The following LARGE1 variants were observed in gnomAD, a reference collection of about 807,000 sequenced individuals.
LARGE1 encodes the protein xylosyl- and glucuronyltransferase LARGE1.
LARGE1 carries 43 observed loss-of-function variants against 87.6 expected under a neutral mutation model. The observed-to-expected ratio is 0.49, with a 90% CI of 0.38 to 0.63. The LOEUF (loss-of-function observed/expected upper bound fraction) is 0.63, where lower values mean the gene tolerates loss of function less well. LARGE1 is among the 30% of genes least tolerant of loss of function. The probability of loss-of-function intolerance (pLI) is 0.00; values close to 1 mark genes in which losing one functional copy is unlikely to be tolerated. For synonymous variants in LARGE1, 434 were observed against 394.6 expected (o/e 1.10, Z -1.18); for missense variants, 802 against 1,000.2 (o/e 0.80, Z 2.67).
intron 6 of LARGE1, among the ~76,000 whole-genome samples, chr22:33,513,933 T>C (rs1602199384): frequency 6.6e-6 from 1 of 152,208 alleles, no homozygotes; most frequent in East Asian, 1.9e-4. Flanking sequence ...GCATTTTTAC[T>C]GTCCCTTTTC....
chr22:33,458,841 A>G (rs2068249079), intron 6 of LARGE1, among the ~76,000 whole-genome samples: 1 of 152,190 alleles, frequency 6.6e-6, no homozygotes, highest in African/African-American at 2.4e-5. Flanking sequence ...TACATATGCT[A>G]AACACGAGAA....
chr22:33,791,834 A>T (rs1347354928), intron 1 of LARGE1, among the ~76,000 whole-genome samples: 2 of 152,170 alleles, frequency 1.3e-5, no homozygotes, highest in Non-Finnish European at 2.9e-5. Flanking sequence ...TACCACCATC[A>T]TCCTAGGAAA....
chr22:33,905,380 G>A (rs187402598), intron 1 of LARGE1, among the ~76,000 whole-genome samples: 1 of 152,118 alleles, frequency 6.6e-6, no homozygotes, highest in African/African-American at 2.4e-5. Context: ...CTTGAATTCT[G>A]AAATTTGAAA....
At chr22:33,793,014 G>A (rs537147188) in intron 1 of LARGE1, among the ~76,000 whole-genome samples, 1 of 152,308 alleles carries the variant, frequency 6.6e-6, no homozygotes, top group East Asian at 1.9e-4. Context: ...GAAAGCTGCT[G>A]AGCGTGCCCA....
chr22:33,289,678 G>A (rs980587523), intron 12 of LARGE1, among the ~76,000 whole-genome samples: 2 of 152,084 alleles, frequency 1.3e-5, no homozygotes, highest in Non-Finnish European at 2.9e-5. Context: ...ATGAGATCTC[G>A]GTCTCTAGCC....
intron 2 of LARGE1, among the ~76,000 whole-genome samples, chr22:33,672,927 A>G (rs2081460013): frequency 6.6e-6 from 1 of 152,146 alleles, no homozygotes; most frequent in Admixed American, 6.5e-5. Context: ...TGCCCAAATA[A>G]TTATTTAGTT....
intron 1 of LARGE1, among the ~76,000 whole-genome samples, chr22:33,779,143 G>A (rs970034258): frequency 3.3e-5 from 5 of 151,890 alleles, no homozygotes; most frequent in Non-Finnish European, 5.9e-5. Context: ...AAATCTCTTC[G>A]CTCTGCATAC....
At chr22:33,556,139 C>A (rs1413540871) in intron 6 of LARGE1, among the ~76,000 whole-genome samples, 1 of 151,966 alleles carries the variant, frequency 6.6e-6, no homozygotes, top group Non-Finnish European at 1.5e-5. Flanking sequence ...AAATGTGATT[C>A]GACCTCACCC....
At chr22:33,440,611 G>A (rs757750053) in intron 6 of LARGE1, among the ~76,000 whole-genome samples, 1 of 152,186 alleles carries the variant, frequency 6.6e-6, no homozygotes, top group Non-Finnish European at 1.5e-5. Flanking sequence ...GTGTGTCTGA[G>A]TGCAGGATGT....
intron 1 of LARGE1, among the ~76,000 whole-genome samples, chr22:33,771,616 T>G (rs543813070): frequency 1.3e-5 from 2 of 152,288 alleles, no homozygotes; most frequent in South Asian, 2.1e-4. Flanking sequence ...AAAACCCCCA[T>G]GCCAACAGCT....
At chr22:33,078,056 T>A in the LARGE1 span, among the ~76,000 whole-genome samples, 223 of 152,332 alleles carry the variant, frequency 1.5e-3, no homozygotes, top group African/African-American at 5.0e-3. Context: ...TATATTAGTA[T>A]TGTCCCAGAA....
chr22:33,511,355 C>T (rs971157364), intron 6 of LARGE1, among the ~76,000 whole-genome samples: 11 of 152,146 alleles, frequency 7.2e-5, no homozygotes, highest in Admixed American at 2.6e-4. Flanking sequence ...GTCTCTGATA[C>T]AGACAACAAG....
intron 6 of LARGE1, among the ~76,000 whole-genome samples, chr22:33,547,358 C>T (rs368117928): frequency 2.4e-4 from 28 of 118,772 alleles, no homozygotes; most frequent in African/African-American, 5.5e-4. Context: ...ACAGGGTTTG[C>T]GCTACTATGG....
chr22:33,504,296 G>T lies in LARGE1; in HGVS notation c.787+60552C>A, dbSNP rs547660507. On this transcript the variant is annotated intron_variant, in intron 6 of 14. Coordinates refer to ENST00000397394, the MANE Select transcript of LARGE1 (RefSeq NM_133642.5). Reference sequence around the variant, plus strand: ...TTATTTTTAGACAGAGTCTTGCTCTGTTGCCCAGGCTGCAGTGCAGTGGCG... The same window carrying T: ...TTATTTTTAGACAGAGTCTTGCTCTTTTGCCCAGGCTGCAGTGCAGTGGCG... Among the ~76,000 whole-genome samples the T allele has an allele frequency of 2.1e-3, 320 of 152,328 alleles. 2 individuals carry two copies. Among genetic ancestry groups the T allele is most frequent in the African/African-American group, 7.5e-3 (313 of 41,566 alleles).
intron 9 of LARGE1, among the ~76,000 whole-genome samples, chr22:33,361,426 C>T (rs911104928): frequency 2.7e-5 from 4 of 149,090 alleles, no homozygotes; most frequent in African/African-American, 9.9e-5. Flanking sequence ...AGCAATGGCC[C>T]AGCTGTGTGC....
chr22:33,412,005 C>T (rs13056837), intron 7 of LARGE1, among the ~76,000 whole-genome samples: 6 of 152,096 alleles, frequency 3.9e-5, no homozygotes, highest in African/African-American at 7.2e-5. Flanking sequence ...TATTATTGGC[C>T]GGGCACGGTG....
chr22:33,464,186 G>C (rs1460623744), intron 6 of LARGE1, among the ~76,000 whole-genome samples: 1 of 151,982 alleles, frequency 6.6e-6, no homozygotes, highest in South Asian at 2.1e-4. Context: ...AAAAGGTAAT[G>C]AAAAAAATCT....
chr22:33,865,834 T>A (rs2064083287), intron 1 of LARGE1, among the ~76,000 whole-genome samples: 1 of 34,422 alleles, frequency 2.9e-5, no homozygotes, highest in Admixed American at 3.3e-4. Context: ...CTGTTATTCT[T>A]TTTTTTTTTT....
At chr22:33,579,651 A>G (rs758359509) in intron 5 of LARGE1, among the ~76,000 whole-genome samples, 5 of 152,068 alleles carry the variant, frequency 3.3e-5, no homozygotes, top group East Asian at 1.9e-4. Context: ...AAACTAAACT[A>G]TGACATCTAG....
Sources: gnomAD v4.1 joint callset for allele counts (sites outside exome capture counted in the v4.1 genomes callset) on GRCh38, gnomAD v4.1.1 for gene constraint, MANE v1.5 for transcripts, NCBI Gene and HGNC (gene_info 2026-07-23, HGNC 2026-07-21) for gene names.